Variants in LMX1A observed in about 807,000 individuals in gnomAD.
The protein encoded by LMX1A is LIM homeobox transcription factor 1-alpha.
LMX1A carries 15 observed loss-of-function variants against 49.1 expected under a neutral mutation model. The ratio of observed to expected loss-of-function variants is 0.31; its 90% CI spans 0.20 to 0.47. The LOEUF (loss-of-function observed/expected upper bound fraction) is 0.47. Among genes scored for constraint, LMX1A ranks in the 20% least tolerant of loss-of-function variants. The pLI is 1.00. For synonymous variants in LMX1A, 167 were observed against 185.7 expected (o/e 0.90, Z 0.82); for missense variants, 372 against 475.8 (o/e 0.78, Z 2.03).
Position 165,287,976 on chromosome 1 carries a change from G to A in LMX1A, c.264-38336C>T, listed in dbSNP as rs374188172. On this transcript the variant is annotated intron_variant, in intron 3 of 8. Transcript: ENST00000342310. Reference sequence around the variant, plus strand: ...TTGTATAGTTTCAGAGCCAGATTGCGTTATTCATTAACTTCCTGTGTGAAA... The same window carrying A: ...TTGTATAGTTTCAGAGCCAGATTGCATTATTCATTAACTTCCTGTGTGAAA... Among the ~76,000 whole-genome samples, 6 of 152,256 alleles carry A rather than the reference G, an allele frequency of 3.9e-5. No homozygotes were observed. The South Asian group carries it at 1.0e-3, about 26-fold the overall frequency.
At chr1:165,238,779 T>C (rs1022142257) in intron 4 of LMX1A, among the ~76,000 whole-genome samples, 7 of 152,206 alleles carry the variant, frequency 4.6e-5, no homozygotes, top group African/African-American at 1.7e-4. Flanking sequence ...CATTTTCATA[T>C]ACATGTACGT....
At chr1:165,325,092 A>C (rs1035302249) in intron 3 of LMX1A, among the ~76,000 whole-genome samples, 1 of 152,170 alleles carries the variant, frequency 6.6e-6, no homozygotes, top group Non-Finnish European at 1.5e-5. Context: ...TCCAAAGGCT[A>C]CTGCACAGAC....
chr1:165,355,984 T>G lies in LMX1A; in HGVS notation c.-23+371A>C. The G allele has an allele frequency of 6.1e-6, 1 of 162,782 alleles. No homozygotes were observed. The highest frequency in any genetic ancestry group is 2.4e-5 in the African/African-American group (1 of 41,916). The allele number at this position is 162,782 out of a possible 1,614,324, so 10.1% of individuals were successfully genotyped here. The stretch of plus-strand genomic sequence containing the variant: ...GTATATTGGGTATATAAAGAGTGGG[T>G]ACCCTCCCTCGAGCGACCGGGTCCA... On this transcript the variant is annotated intron_variant, in intron 1 of 8. Transcript: ENST00000342310. The surrounding 1 kb of genome is among the most constrained non-coding windows in gnomAD (Gnocchi z 4.7).
chr1:165,332,837 A>C (rs1344479126), intron 3 of LMX1A, among the ~76,000 whole-genome samples: 1 of 152,144 alleles, frequency 6.6e-6, no homozygotes, highest in African/African-American at 2.4e-5. Context: ...TTTGCATTTA[A>C]ATTTTCATGG....
In LMX1A at chr1:165,325,355, T is replaced by C. The variant is rs774394025; in HGVS notation, c.263+27721A>G. Among the ~76,000 whole-genome samples the C allele has an allele frequency of 9.5e-4, 145 of 152,218 alleles. 3 individuals are homozygous for C. The highest frequency in any genetic ancestry group is 3.1e-4 in the Non-Finnish European group (21 of 68,046). On this transcript the variant is annotated intron_variant, in intron 3 of 8. Transcript: ENST00000342310. ...GTTTTTATTTTTTTCCTTTTGTGTA[T>C]TTTGTACCAATGATAACTAGATGAG...
chr1:165,323,307 T>G (rs1007100053), intron 3 of LMX1A, among the ~76,000 whole-genome samples: 8 of 152,196 alleles, frequency 5.3e-5, no homozygotes, highest in Non-Finnish European at 1.2e-4. Context: ...ACCAAATCTA[T>G]GTAAGGTCAT....
At chr1:165,340,798 G>T (rs1322766692) in intron 3 of LMX1A, among the ~76,000 whole-genome samples, 1 of 152,024 alleles carries the variant, frequency 6.6e-6, no homozygotes, top group African/African-American at 2.4e-5. Context: ...CCCTCTATCA[G>T]GTACTGATGT....
intron 5 of LMX1A, chr1:165,212,867 T>G (rs1189162966): frequency 1.3e-5 from 2 of 152,222 alleles, no homozygotes; most frequent in African/African-American, 4.8e-5. Context: ...GACTACATTC[T>G]GGCCAACACA....
intron 3 of LMX1A, among the ~76,000 whole-genome samples, chr1:165,331,909 A>G (rs1158416362): frequency 6.6e-6 from 1 of 152,146 alleles, no homozygotes; most frequent in African/African-American, 2.4e-5. Flanking sequence ...AAAGTGAGAC[A>G]CGGTCTCGAA....
At chr1:165,210,840 C>T in intron 5 of LMX1A, 64 bp from the exon 6 acceptor site, 2 of 1,252,116 alleles carry the variant, frequency 1.6e-6, no homozygotes, top group Non-Finnish European at 2.3e-6. Flanking sequence ...TAGAACATCT[C>T]CTATATAATA....
intron 4 of LMX1A, among the ~76,000 whole-genome samples, chr1:165,222,922 A>G (rs1165616247): frequency 1.3e-5 from 2 of 152,164 alleles, no homozygotes; most frequent in African/African-American, 4.8e-5. Context: ...ACTACTCACC[A>G]GCTGTGTGAC....
intron 4 of LMX1A, among the ~76,000 whole-genome samples, chr1:165,248,209 A>C (rs1451185862): frequency 6.6e-6 from 1 of 152,254 alleles, no homozygotes; most frequent in Admixed American, 6.5e-5. Flanking sequence ...AGAGGGAAAG[A>C]GGCTGAAAAG....
At chr1:165,332,863 C>T (rs1655787635) in intron 3 of LMX1A, among the ~76,000 whole-genome samples, 1 of 152,160 alleles carries the variant, frequency 6.6e-6, no homozygotes, top group South Asian at 2.1e-4. Context: ...GTTGGCATAA[C>T]CTTTCCACAT....
chr1:165,232,117 A>T (rs936966902), intron 4 of LMX1A, among the ~76,000 whole-genome samples: 1 of 152,226 alleles, frequency 6.6e-6, no homozygotes, highest in African/African-American at 2.4e-5. Context: ...CTGTGAAACC[A>T]GCCTCAAGGT....
At chr1:165,260,513 AT>A (rs2102647593) in intron 3 of LMX1A, among the ~76,000 whole-genome samples, 1 of 152,290 alleles carries the variant, frequency 6.6e-6, no homozygotes, top group African/African-American at 2.4e-5. Context: ...CCATTGTGCT[AT>A]ATGTCCAAAA....
intron 3 of LMX1A, among the ~76,000 whole-genome samples, chr1:165,333,085 A>G (rs769577254): frequency 6.6e-6 from 1 of 152,218 alleles, no homozygotes; most frequent in Non-Finnish European, 1.5e-5. Context: ...GGTGATAATT[A>G]CATGATACAG....
chr1:165,270,204 GAC>G (rs1229057194), intron 3 of LMX1A, among the ~76,000 whole-genome samples: 1 of 152,118 alleles, frequency 6.6e-6, no homozygotes, highest in Non-Finnish European at 1.5e-5. Flanking sequence ...CATTCTTATA[GAC>G]AGTCTTATCC....
At chr1:165,278,947 A>G (rs1174261767) in intron 3 of LMX1A, among the ~76,000 whole-genome samples, 1 of 152,176 alleles carries the variant, frequency 6.6e-6, no homozygotes, top group Non-Finnish European at 1.5e-5. Context: ...CAACACCCTG[A>G]GGGAACCTCA....
In LMX1A at chr1:165,301,908, T is replaced by G. The variant is rs74552032; in HGVS notation, c.263+51168A>C. Among the ~76,000 whole-genome samples the G allele has an allele frequency of 6.9e-3, 1,039 of 151,488 alleles. 13 individuals are homozygous for G. The highest frequency in any genetic ancestry group is 0.024 in the African/African-American group (1,006 of 41,312). ...TGGTTCCACTTAAGTTTATAGCTAT[T>G]GGTTGGGGGTGGGGGGAATATCAAC... On this transcript the variant is annotated intron_variant, in intron 3 of 8. Coordinates refer to ENST00000342310, the MANE Select transcript of LMX1A (RefSeq NM_177398.4).
Sources: gnomAD v4.1 joint callset for allele counts (sites outside exome capture counted in the v4.1 genomes callset) on GRCh38, gnomAD v4.1.1 for gene constraint, Gnocchi (gnomAD v3.1) non-coding constraint, MANE v1.5 for transcripts, NCBI Gene and HGNC (gene_info 2026-07-23, HGNC 2026-07-21) for gene names.